The following DTNB variants were observed in gnomAD, a reference collection of about 807,000 sequenced individuals.
The protein encoded by DTNB is DTN-B.
In DTNB, 63 loss-of-function variants were observed where a neutral mutation model predicts 90.7. The ratio of observed to expected loss-of-function variants is 0.69; its 90% CI spans 0.57 to 0.86. The LOEUF is 0.86. Ranked by LOEUF, DTNB falls within the 40% of genes least tolerant of loss-of-function variation. The pLI is 0.00. For synonymous variants in DTNB, 277 were observed against 286.7 expected (o/e 0.97, Z 0.34); for missense variants, 744 against 807.1 (o/e 0.92, Z 0.95).
At chr2:25,437,440 T>C (rs1429693700) in intron 12 of DTNB, among the ~76,000 whole-genome samples, 1 of 152,076 alleles carries the variant, frequency 6.6e-6, no homozygotes, top group African/African-American at 2.4e-5. Flanking sequence ...TTTTGTGTTT[T>C]AAGTAGGGAC....
At chr2:25,515,483 G>A (rs565805117) in intron 9 of DTNB, among the ~76,000 whole-genome samples, 1 of 152,246 alleles carries the variant, frequency 6.6e-6, no homozygotes, top group South Asian at 2.1e-4. Flanking sequence ...ATTTATAGTC[G>A]GTTGATTTTG....
At chr2:25,601,492 A>AAG (rs552366096) in intron 5 of DTNB, among the ~76,000 whole-genome samples, 103 of 152,340 alleles carry the variant, frequency 6.8e-4, no homozygotes, top group Middle Eastern at 3.4e-3. Context: ...CTAGTGAGCC[A>AAG]CCATCATCAC....
intron 12 of DTNB, among the ~76,000 whole-genome samples, chr2:25,437,768 A>T (rs1313194484): frequency 6.6e-6 from 1 of 152,244 alleles, no homozygotes; most frequent in Admixed American, 6.5e-5. Context: ...TCAAAAAATA[A>T]GTAGTTCACA....
At chr2:25,668,778 T>G (rs1220810108) in intron 1 of DTNB, among the ~76,000 whole-genome samples, 2 of 152,214 alleles carry the variant, frequency 1.3e-5, no homozygotes, top group East Asian at 1.9e-4. Flanking sequence ...TGCACTTGAG[T>G]ACATACACAA....
At chr2:25,517,114 A>G (rs574933077) in intron 9 of DTNB, among the ~76,000 whole-genome samples, 1 of 152,374 alleles carries the variant, frequency 6.6e-6, no homozygotes, top group African/African-American at 2.4e-5. Context: ...GATATTTTCA[A>G]CATTAAAAAG....
intron 10 of DTNB, among the ~76,000 whole-genome samples, chr2:25,457,879 G>A (rs2060290314): frequency 6.6e-6 from 1 of 152,030 alleles, no homozygotes; most frequent in Admixed American, 6.5e-5. Context: ...CTGTCACCAG[G>A]CTAGAGTGCA....
intron 3 of DTNB, among the ~76,000 whole-genome samples, chr2:25,629,076 A>G (rs866688750): frequency 2.6e-5 from 4 of 152,346 alleles, no homozygotes; most frequent in Middle Eastern, 3.4e-3. Context: ...AAAGTAAACA[A>G]TACTCAACTA....
intron 9 of DTNB, among the ~76,000 whole-genome samples, chr2:25,491,705 T>G (rs907836661): frequency 2.0e-5 from 3 of 151,954 alleles, no homozygotes; most frequent in African/African-American, 2.4e-5. Flanking sequence ...TACTGCTTGG[T>G]CTGTTATTTT....
chr2:25,501,635 A>G (rs2070742137), intron 9 of DTNB, among the ~76,000 whole-genome samples: 1 of 152,160 alleles, frequency 6.6e-6, no homozygotes, highest in South Asian at 2.1e-4. Flanking sequence ...GGCCTCCCAA[A>G]GTGCTGGGAT....
At chr2:25,408,218 A>G (rs1573970252) in intron 16 of DTNB, among the ~76,000 whole-genome samples, 1 of 152,114 alleles carries the variant, frequency 6.6e-6, no homozygotes, top group Non-Finnish European at 1.5e-5. Context: ...CTGAGGCAGG[A>G]GAATTACTTG....
At chr2:25,462,348 G>C (rs1230849278) in intron 10 of DTNB, among the ~76,000 whole-genome samples, 2 of 151,818 alleles carry the variant, frequency 1.3e-5, no homozygotes, top group Non-Finnish European at 2.9e-5. Flanking sequence ...GCGGGACAAG[G>C]TCAGAGGCAG....
chr2:25,571,312 A>G (rs539051575), intron 8 of DTNB, among the ~76,000 whole-genome samples: 1 of 152,264 alleles, frequency 6.6e-6, no homozygotes, highest in South Asian at 2.1e-4. Context: ...TTTACATGGC[A>G]TCTAGACTGA....
intron 16 of DTNB, among the ~76,000 whole-genome samples, chr2:25,408,408 G>A (rs1371071917): frequency 5.3e-5 from 8 of 151,290 alleles, no homozygotes; most frequent in Admixed American, 2.6e-4. Flanking sequence ...GTGTGGTGAC[G>A]TGCACCTGTA....
At chr2:25,386,434 C>T (rs1355475419) in intron 18 of DTNB, among the ~76,000 whole-genome samples, 3 of 152,166 alleles carry the variant, frequency 2.0e-5, no homozygotes, top group Admixed American at 6.5e-5. Context: ...AAAAGCACTA[C>T]ATTAGGTGGA....
At chr2:25,492,792 G>A (rs1384709291) in intron 9 of DTNB, among the ~76,000 whole-genome samples, 1 of 152,096 alleles carries the variant, frequency 6.6e-6, no homozygotes, top group East Asian at 1.9e-4. Flanking sequence ...TGAGGCTGTA[G>A]TGAGCCGACA....
chr2:25,616,378 A>G (rs915782789), intron 4 of DTNB, among the ~76,000 whole-genome samples: 5 of 152,144 alleles, frequency 3.3e-5, no homozygotes, highest in African/African-American at 9.7e-5. Flanking sequence ...TTTTAGAAAC[A>G]CTAATATTTT....
chr2:25,483,055 AG>A (rs1394826626), intron 9 of DTNB, among the ~76,000 whole-genome samples, 182 bp from the exon 10 acceptor site: 2 of 147,100 alleles, frequency 1.4e-5, no homozygotes, highest in South Asian at 4.5e-4. Context: ...GGACCCATGG[AG>A]GGGGGGAACC....
Position 25,522,024 on chromosome 2 carries a change from T to C in DTNB, c.1001+9449A>G, listed in dbSNP as rs149577174. 5.0e-3 allele frequency among the ~76,000 whole-genome samples: 757 copies of C among 152,360 alleles called. 12 individuals carry two copies. The highest frequency in any genetic ancestry group is 5.5e-3 in the Non-Finnish European group (376 of 68,032). On this transcript the variant is annotated intron_variant, in intron 9 of 20. Coordinates refer to ENST00000406818, the MANE Select transcript of DTNB (RefSeq NM_021907.5). ...TTAAAGAGATTAGGCTTAAGAACTCTGTGGTTAGAAAATTAGCAAGAGCAA... is the reference window on the plus strand; with the variant it reads ...TTAAAGAGATTAGGCTTAAGAACTCCGTGGTTAGAAAATTAGCAAGAGCAA...
chr2:25,628,207 CT>C lies in DTNB; in HGVS notation c.325del (p.Ser109AlafsTer7). On this transcript the variant is annotated frameshift_variant, in exon 4 of 21. Transcript: ENST00000406818. LOFTEE classifies it high-confidence loss of function. ...THQISVEQSI[S>X]LLLNFMIAAY... ...AGCAATCATAAAGTTGAGGAGGAGG[CT>C]GATAGATTGTTCCACACTAATTTGG... is the stretch of plus-strand genomic sequence containing the variant. 1 of 1,613,688 alleles carries C rather than the reference CT, an allele frequency of 6.2e-7. No homozygotes were observed. The highest frequency in any genetic ancestry group is 1.3e-5 in the African/African-American group (1 of 74,924).
Sources: allele counts gnomAD v4.1 joint callset (sites outside exome capture counted in the v4.1 genomes callset), GRCh38; gene constraint gnomAD v4.1.1; transcripts MANE v1.5; gene names NCBI Gene and HGNC (gene_info 2026-07-23, HGNC 2026-07-21).